The following PRAMEF1 variants were observed in gnomAD, a reference collection of about 807,000 sequenced individuals.
PRAMEF1 encodes the protein PRAME family member 1.
PRAMEF1 carries 21 observed loss-of-function variants against 38.2 expected under a neutral mutation model. The observed-to-expected ratio is 0.55, with a 90% CI of 0.39 to 0.79. PRAMEF1 has a LOEUF of 0.79. Ranked by LOEUF, PRAMEF1 falls within the 30% of genes least tolerant of loss-of-function variation. The pLI is 0.00. For synonymous variants in PRAMEF1, 200 were observed against 229.0 expected, an observed-to-expected ratio of 0.87 and a Z score of 1.14; for missense variants, 497 against 565.8, an observed-to-expected ratio of 0.88 and a Z score of 1.23.
At position 12,796,265 on chromosome 1, in the gene PRAMEF1, T is replaced by C; in HGVS notation, c.*269T>C. ...CATGAGTGACTGTGTCCAGGCCACA[T>C]GCAACTTAAAGGAAGCACAGGCAAG... On this transcript the variant is annotated 3_prime_UTR_variant, in exon 4 of 4. Transcript: ENST00000332296. The C allele has an allele frequency of 1.9e-6, 1 of 526,956 alleles. No individual in the cohort carries two copies. The highest frequency in any genetic ancestry group is 3.3e-6 in the Non-Finnish European group (1 of 307,072). The allele number at this position is 526,956 out of a possible 1,614,324, so 32.6% of individuals were successfully genotyped here. A position where few individuals can be genotyped will look rare whatever the true frequency, so the allele number is the denominator to read the frequency against.
Position 12,794,253 on chromosome 1 carries a change from A to T in PRAMEF1, c.626A>T (p.Glu209Val), listed in dbSNP as rs769246433. ...LKIIYLNSIQELEIRNMSWPR... is the reference protein window; with the variant it reads ...LKIIYLNSIQVLEIRNMSWPR... The stretch of plus-strand genomic sequence containing the variant: ...ATAATATACCTGAATAGTATTCAAG[A>T]GCTGGAAATTCGCAACATGTCCTGG... The change falls in exon 3 of 4, where the codon GAG (glutamate) becomes GTG (valine). Residue 209 changes from glutamate (E) to valine (V), a missense_variant. Glu to Val is a moderately radical substitution (Grantham distance 121, BLOSUM62 -2). Coordinates refer to ENST00000332296, the MANE Select transcript of PRAMEF1 (RefSeq NM_023013.4). The T allele has an allele frequency of 4.1e-5, 66 of 1,611,842 alleles. 1 individual carries two copies. The South Asian group carries it at 6.8e-4, about 17-fold the overall frequency.
chr1:12,793,815 C>A, intron 2 of PRAMEF1, 100 bp from the exon 3 acceptor site: 1 of 1,413,452 alleles, frequency 7.1e-7, no homozygotes. Context: ...GAACAGGGAG[C>A]ACTGAGGACA....
In PRAMEF1 at chr1:12,794,393, G is replaced by T; in HGVS notation, c.766G>T (p.Val256Phe). 1.2e-6 allele frequency: 2 copies of T among 1,610,868 alleles called. No individual in the cohort carries two copies. The highest frequency in any genetic ancestry group is 8.5e-7 in the Non-Finnish European group (1 of 1,178,124). ...TSDNELEGRL[V>F]AKFSSVFLRL... ...AGATAATGAACTCGAAGGACGGTTA[G>T]TTGCCAAATTCAGCTCTGTGTTCCT... The change falls in exon 3 of 4, where the codon GTT (valine) becomes TTT (phenylalanine). Residue 256 changes from valine to phenylalanine, a missense_variant. Transcript: ENST00000332296.
Position 12,793,919 on chromosome 1 carries a change from T to A in PRAMEF1, c.292T>A (p.Trp98Arg). ...TCTCCCTTACTTTACCCACAGGAGG[T>A]GGAAACTTCAAGTGCTGGATTTGCG... ...LLTQKDRPRR[W>R]KLQVLDLRDV... The change falls in exon 3 of 4, where the codon TGG becomes AGG. Residue 98 changes from tryptophan to arginine, a missense_variant. Transcript: ENST00000332296. 2 of 1,608,726 alleles carry A rather than the reference T, an allele frequency of 1.2e-6. No homozygotes were observed. Among genetic ancestry groups the A allele is most frequent in the South Asian group, 2.2e-5 (2 of 90,464 alleles).
Position 12,794,663 on chromosome 1 carries a change from A to G in PRAMEF1, c.866+170A>G, listed in dbSNP as rs1569734197. On this transcript the variant is annotated intron_variant, in intron 3 of 3. Transcript: ENST00000332296. ...CAGTGTTCCATGTCCTGGAGTGGCT[A>G]TCACAGGATCGCTCCAATAAGGGGA... 34 of 1,476,730 alleles carry G rather than the reference A, an allele frequency of 2.3e-5. 4 individuals are homozygous for G. In the East Asian group the frequency reaches 7.9e-4, roughly 34 times the overall value. The allele number at this position is 1,476,730 out of a possible 1,614,324, so 91.5% of individuals were successfully genotyped here.
intron 1 of PRAMEF1, among the ~76,000 whole-genome samples, chr1:12,791,967 C>T (rs569694365): frequency 6.6e-6 from 1 of 151,032 alleles, no homozygotes. Flanking sequence ...TCTATAGGAA[C>T]CTTCATCTTA....
chr1:12,794,064 C>T lies in PRAMEF1; in HGVS notation c.437C>T (p.Pro146Leu), dbSNP rs147163117. The change falls in exon 3 of 4, where the codon CCC (proline) becomes CTC (leucine). Residue 146 changes from proline to leucine, a missense_variant. Around this residue, in one of 2 missense-constraint regions of PRAMEF1, gnomAD observed 470 missense variants for 501.9 expected, o/e 0.94. Transcript: ENST00000332296. ...TGTCCAAGGATGGGAGAGCACCAGC[C>T]CTTAAAGGTGTTCATAGACATCTGC... ...EDCPRMGEHQ[P>L]LKVFIDICLK... 2 of 1,609,042 alleles carry T rather than the reference C, an allele frequency of 1.2e-6. No homozygotes were observed. The highest frequency in any genetic ancestry group is 1.3e-5 in the African/African-American group (1 of 74,570).
chr1:12,795,051 G>A (rs1375896347), intron 3 of PRAMEF1: 6 of 1,090,872 alleles, frequency 5.5e-6, no homozygotes, highest in Non-Finnish European at 5.0e-6. Context: ...CAGTTGGTTT[G>A]CAGATGCAGG....
At position 12,796,582 on chromosome 1, in the gene PRAMEF1, T is replaced by G. The variant is rs1639410577; in HGVS notation, c.*586T>G. On this transcript the variant is annotated 3_prime_UTR_variant, in exon 4 of 4. Coordinates refer to ENST00000332296, the MANE Select transcript of PRAMEF1 (RefSeq NM_023013.4). ...ATACTAATTTGTCTGTGATTGAGTTTCAGTTGTAGAACATCAAAGCAACCA... is the reference window on the plus strand; with the variant it reads ...ATACTAATTTGTCTGTGATTGAGTTGCAGTTGTAGAACATCAAAGCAACCA... 6.4e-6 allele frequency: 1 copy of G among 155,064 alleles called. No individual in the cohort carries two copies. Among genetic ancestry groups the G allele is most frequent in the South Asian group, 2.0e-4 (1 of 5,014 alleles). The allele number at this position is 155,064 out of a possible 1,614,324, so 9.6% of individuals were successfully genotyped here.
chr1:12,794,338 C>T lies in PRAMEF1; in HGVS notation c.711C>T (p.Leu237=), dbSNP rs753223619. Residue 237 remains leucine, a synonymous_variant, in exon 3 of 4, where the codon CTC becomes CTT. Coordinates refer to ENST00000332296, the MANE Select transcript of PRAMEF1 (RefSeq NM_023013.4). ...YLKEMKNLRK[L]VFSRCHHYTS... Reference sequence around the variant, plus strand: ...AGGAGATGAAGAATCTTCGCAAACTCGTTTTCTCCAGGTGCCATCATTACA... The same window carrying T: ...AGGAGATGAAGAATCTTCGCAAACTTGTTTTCTCCAGGTGCCATCATTACA... The T allele has an allele frequency of 1.1e-5, 18 of 1,612,162 alleles. No individual in the cohort carries two copies. The highest frequency in any genetic ancestry group is 7.7e-5 in the South Asian group (7 of 90,820).
Position 12,793,353 on chromosome 1 carries a change from G to A in PRAMEF1, c.126G>A (p.Glu42=), listed in dbSNP as rs1437831968. The A allele has an allele frequency of 6.2e-7, 1 of 1,609,724 alleles. No individual in the cohort carries two copies. Among genetic ancestry groups the A allele is most frequent in the African/African-American group, 1.3e-5 (1 of 74,640 alleles). The change falls in exon 2 of 4, where the codon GAG becomes GAA. Residue 42 remains glutamate, a synonymous_variant. Coordinates refer to ENST00000332296, the MANE Select transcript of PRAMEF1 (RefSeq NM_023013.4). ...TGCTCTATCTCCCACTCTTCATGGA[G>A]GCCTTCAGCAGGAGACACTTCCAGA... ...PRVLYLPLFM[E]AFSRRHFQTL... is the part of the protein sequence containing the mutation.
rs754995540 is a variant in PRAMEF1 at position 12,794,029 on chromosome 1, A to G, written c.402A>G (p.Thr134=). ...CFPETTSKRQ[T]AEDCPRMGEH... Reference sequence around the variant, plus strand: ...CAGAGACCACGAGTAAGAGGCAGACAGCAGAGGACTGTCCAAGGATGGGAG... The same window carrying G: ...CAGAGACCACGAGTAAGAGGCAGACGGCAGAGGACTGTCCAAGGATGGGAG... The change falls in exon 3 of 4, where the codon ACA becomes ACG. Residue 134 remains threonine (T), a synonymous_variant. Transcript: ENST00000332296. The G allele has an allele frequency of 6.2e-7, 1 of 1,608,702 alleles. No individual in the cohort carries two copies. The highest frequency in any genetic ancestry group is 1.7e-5 in the Admixed American group (1 of 59,738).
At position 12,795,858 on chromosome 1, in the gene PRAMEF1, C is replaced by A. The variant is rs376137363; in HGVS notation, c.1287C>A (p.Ile429=). 1.2e-6 allele frequency: 2 copies of A among 1,610,872 alleles called. No individual in the cohort carries two copies. The highest frequency in any genetic ancestry group is 1.7e-6 in the Non-Finnish European group (2 of 1,179,704). Residue 429 remains isoleucine, a synonymous_variant, in exon 4 of 4, where the codon ATC becomes ATA. Transcript: ENST00000332296. ...CCTTGGTTCGTGTCAATTGGGAGAT[C>A]TTCACCCCACTTCGGGCTGAGCTGA... is the stretch of plus-strand genomic sequence containing the variant. The part of the protein sequence containing the change: ...LNSLVRVNWE[I]FTPLRAELMC...
At chr1:12,794,895 C>T (rs1639366082) in intron 3 of PRAMEF1, 3 of 1,327,482 alleles carry the variant, frequency 2.3e-6, no homozygotes, top group African/African-American at 1.5e-5. Flanking sequence ...CGTCTGTCCT[C>T]ACCGGCTTAG....
chr1:12,794,860 C>T lies in PRAMEF1; in HGVS notation c.866+367C>T, dbSNP rs1285962567. On this transcript the variant is annotated intron_variant, in intron 3 of 3. Transcript: ENST00000332296. The stretch of plus-strand genomic sequence containing the variant: ...GGGTATGAAAGGAGGGAAAGCGCAT[C>T]AAACCTGTCCATTTCACAATAGAAC... 3.7e-6 allele frequency: 5 copies of T among 1,335,636 alleles called. No homozygotes were observed. In the African/African-American group the frequency reaches 5.9e-5, roughly 16 times the overall value. The allele number at this position is 1,335,636 out of a possible 1,614,324, so 82.7% of individuals were successfully genotyped here. A position where few individuals can be genotyped will look rare whatever the true frequency, so the allele number is the denominator to read the frequency against.
chr1:12,792,991 T>C (rs2359494), intron 1 of PRAMEF1, among the ~76,000 whole-genome samples: 9 of 151,024 alleles, frequency 6.0e-5, no homozygotes, highest in East Asian at 2.0e-4. Flanking sequence ...GAAATTTTTC[T>C]TCAAAGAGGT....
rs556884353 is a variant in PRAMEF1, at chr1:12,792,097, C to A, written c.-26+623C>A. Among the ~76,000 whole-genome samples, 496 of 151,128 alleles carry A rather than the reference C, an allele frequency of 3.3e-3. 14 individuals are homozygous for A. The highest frequency in any genetic ancestry group is 0.011 in the African/African-American group (459 of 41,278). ...CAGTGCCATGGTGTGATTTGGCTCACTGAAATTTCTGCCTCCTAGTTACAT... is the reference window on the plus strand; with the variant it reads ...CAGTGCCATGGTGTGATTTGGCTCAATGAAATTTCTGCCTCCTAGTTACAT... On this transcript the variant is annotated intron_variant, in intron 1 of 3. Coordinates refer to ENST00000332296, the MANE Select transcript of PRAMEF1 (RefSeq NM_023013.4).
Position 12,796,325 on chromosome 1 carries a change from G to A in PRAMEF1, c.*329G>A, listed in dbSNP as rs1012265402. 5.3e-6 allele frequency: 2 copies of A among 374,506 alleles called. No homozygotes were observed. Among genetic ancestry groups the A allele is most frequent in the African/African-American group, 2.1e-5 (1 of 47,972 alleles). 23.2% of individuals were successfully genotyped at this position (374,506 alleles called of 1,614,324 possible). On this transcript the variant is annotated 3_prime_UTR_variant, in exon 4 of 4. Transcript: ENST00000332296. ...TGAGGGAAAAAACATAACAGCAGGG[G>A]GCAAGGTTGGAGGAAAATGTTGAGG...
Position 12,793,413 on chromosome 1 carries a change from C to T in PRAMEF1, c.186C>T (p.Thr62=), listed in dbSNP as rs756864245. 1 of 1,610,136 alleles carries T rather than the reference C, an allele frequency of 6.2e-7. No homozygotes were observed. The highest frequency in any genetic ancestry group is 1.3e-5 in the African/African-American group (1 of 74,790). ...TGATGGTTCAGGCCTGGCCCTTCAC[C>T]TGCCTCCCTCTGGGATCACTGATGA... ...LTVMVQAWPF[T]CLPLGSLMKT... is the part of the protein sequence containing the mutation. Residue 62 remains threonine (T), a synonymous_variant, in exon 2 of 4, where the codon ACC becomes ACT. Coordinates refer to ENST00000332296, the MANE Select transcript of PRAMEF1 (RefSeq NM_023013.4).
Sources: allele counts gnomAD v4.1 joint callset (sites outside exome capture counted in the v4.1 genomes callset), GRCh38; gene constraint gnomAD v4.1.1; regional missense constraint gnomAD v4.1.1; transcripts MANE v1.5; gene names NCBI Gene and HGNC (gene_info 2026-07-23, HGNC 2026-07-21).